The following HPS4 variants were observed in gnomAD, a reference collection of about 807,000 sequenced individuals.
HPS4 encodes the protein HPS4 biogenesis of lysosomal organelles complex 3 subunit 2, also known as BLOC-3 complex member HPS4.
A neutral mutation model predicts 70.3 loss-of-function variants in HPS4; 44 were observed. The ratio of observed to expected loss-of-function variants is 0.63; its 90% CI spans 0.49 to 0.80. HPS4 has a LOEUF of 0.80. Ranked by LOEUF, HPS4 falls within the 30% of genes least tolerant of loss-of-function variation. The probability of loss-of-function intolerance (pLI) is 0.00; values close to 1 mark genes in which losing one functional copy is unlikely to be tolerated. For synonymous variants in HPS4, 377 were observed against 355.9 expected, an observed-to-expected ratio of 1.06 and a Z score of -0.67; for missense variants, 873 against 884.4, an observed-to-expected ratio of 0.99 and a Z score of 0.16.
In HPS4 at chr22:26,457,838, G is replaced by A. The variant is rs1219259861; in HGVS notation, c.1955+21C>T. The A allele has an allele frequency of 2.5e-6, 4 of 1,586,124 alleles. No individual in the cohort carries two copies. In the African/African-American group the frequency reaches 5.4e-5, roughly 21 times the overall value. ...GCAGGACCGTGGAGAGTAGGTTGGG[G>A]AGCGACTCAGGGAGGCTCACCTGAC... On this transcript the variant is annotated intron_variant, in intron 13 of 13. Transcript: ENST00000398145.
rs983479129 is a variant in HPS4, at chr22:26,452,278, T to C, written c.*955A>G. On this transcript the variant is annotated 3_prime_UTR_variant, in exon 14 of 14. Coordinates refer to ENST00000398145, the MANE Select transcript of HPS4 (RefSeq NM_022081.6). ...GTTAAGATTTTGACAAATATTTTCA[T>C]CCTGCAGTCTGTCTCATACTGTCAA... The C allele has an allele frequency of 6.8e-6, 3 of 440,578 alleles. No individual in the cohort carries two copies. Among genetic ancestry groups the C allele is most frequent in the African/African-American group, 6.1e-5 (3 of 49,218 alleles). 27.3% of individuals were successfully genotyped at this position (440,578 alleles called of 1,614,324 possible). A position where few individuals can be genotyped will look rare whatever the true frequency, so the allele number is the denominator to read the frequency against.
chr22:26,448,170 C>T (rs990914557), downstream of HPS4, among the ~76,000 whole-genome samples: 3 of 152,226 alleles, frequency 2.0e-5, no homozygotes, highest in African/African-American at 4.8e-5. Flanking sequence ...CACACCCCTC[C>T]GGCCCCCAGG....
chr22:26,465,772 G>A lies in HPS4; in HGVS notation c.707-221C>T, dbSNP rs1264682255. 5.1e-6 allele frequency: 3 copies of A among 592,798 alleles called. No individual in the cohort carries two copies. The East Asian group carries it at 8.6e-5, about 17-fold the overall frequency. The allele number at this position is 592,798 out of a possible 1,614,324, so 36.7% of individuals were successfully genotyped here. A position where few individuals can be genotyped will look rare whatever the true frequency, so the allele number is the denominator to read the frequency against. ...AGGCAACATGACTCCCAGCTTTGGA[G>A]AAGGAAGATGTTCGGGAGAGAAAGG... On this transcript the variant is annotated intron_variant, in intron 9 of 13. Transcript: ENST00000398145.
chr22:26,465,626 G>T, intron 9 of HPS4, 75 bp from the exon 10 acceptor site: 1 of 1,196,186 alleles, frequency 8.4e-7, no homozygotes. Flanking sequence ...CTGCACTGGC[G>T]TGATGCATCC....
chr22:26,479,500 G>C, intron 2 of HPS4, 145 bp from the exon 3 acceptor site: 2 of 1,464,746 alleles, frequency 1.4e-6, no homozygotes, highest in South Asian at 2.9e-5. Context: ...AAGAACCCCA[G>C]TAGCTACAAA....
intron 12 of HPS4, 35 bp downstream of exon 12, chr22:26,458,410 T>C (rs1280585420): frequency 1.2e-6 from 2 of 1,613,586 alleles, no homozygotes; most frequent in Non-Finnish European, 1.7e-6. Context: ...GAATCTGGCA[T>C]CCCCGTCGCC....
Position 26,476,988 on chromosome 22 carries a change from C to G in HPS4, c.276+5G>C. The G allele has an allele frequency of 6.2e-7, 1 of 1,614,060 alleles. No individual in the cohort carries two copies. Among genetic ancestry groups the G allele is most frequent in the Non-Finnish European group, 8.5e-7 (1 of 1,179,924 alleles). ...CTTCAGCACTGATTCTGCCATTCAA[C>G]TTACCCAAAGGTAATCTCCATCAAC... On this transcript the variant is annotated splice_donor_5th_base_variant and intron_variant, in intron 4 of 13. Coordinates refer to ENST00000398145, the MANE Select transcript of HPS4 (RefSeq NM_022081.6).
In HPS4 at chr22:26,472,839, G is replaced by A. The variant is rs775086150; in HGVS notation, c.377C>T (p.Ala126Val). 2 of 1,612,918 alleles carry A rather than the reference G, an allele frequency of 1.2e-6. No individual in the cohort carries two copies. The highest frequency in any genetic ancestry group is 2.2e-5 in the South Asian group (2 of 91,068). Residue 126 changes from alanine to valine, a missense_variant, in exon 5 of 14, where the codon GCT becomes GTT. Physicochemically the swap from Ala to Val is moderately conservative, Grantham distance 64. Transcript: ENST00000398145. ...FNFYNGPVSL[A>V]YENCSQEELS... ...TCAACCCCATACTTGTACCTCATAA[G>A]CTAGGGAAACAGGTCCATTGTAAAA...
At chr22:26,466,473 C>A in intron 8 of HPS4, 1 of 643,742 alleles carries the variant, frequency 1.6e-6, no homozygotes. Flanking sequence ...AACCTGGGCC[C>A]ACACAGGCTG....
In HPS4 at chr22:26,466,499, AC is replaced by A; in HGVS notation, c.670-238del. 4 of 610,260 alleles carry A rather than the reference AC, an allele frequency of 6.6e-6. No homozygotes were observed. In the East Asian group the frequency reaches 1.1e-4, roughly 17 times the overall value. The allele number at this position is 610,260 out of a possible 1,614,324, so 37.8% of individuals were successfully genotyped here. On this transcript the variant is annotated intron_variant, in intron 8 of 13. Coordinates refer to ENST00000398145, the MANE Select transcript of HPS4 (RefSeq NM_022081.6). ...ACACAGGCTGCAAGGCAGCAGCTCC[AC>A]CCAAACTCACATCACACTCTACGTT... is the stretch of plus-strand genomic sequence containing the variant.
rs886057322 is a variant in HPS4, at chr22:26,483,669, C to T, written c.-479+5G>A. Reference sequence around the variant, plus strand: ...ATCCCCGCGCTCCGAGCGCCGCCCACCCACCGGAGTAGCCAGGCATCCCAG... The same window carrying T: ...ATCCCCGCGCTCCGAGCGCCGCCCATCCACCGGAGTAGCCAGGCATCCCAG... On this transcript the variant is annotated splice_donor_5th_base_variant and intron_variant, in intron 1 of 13. Transcript: ENST00000398145. The T allele has an allele frequency of 5.3e-5, 20 of 379,340 alleles. No homozygotes were observed. The Admixed American group carries it at 6.6e-4, about 12-fold the overall frequency. 23.5% of individuals were successfully genotyped at this position (379,340 alleles called of 1,614,324 possible). A position where few individuals can be genotyped will look rare whatever the true frequency, so the allele number is the denominator to read the frequency against.
chr22:26,454,626 C>T (rs1022193256), intron 13 of HPS4, among the ~76,000 whole-genome samples: 74 of 152,166 alleles, frequency 4.9e-4, no homozygotes, highest in African/African-American at 1.5e-3. Context: ...ACCATAAAAA[C>T]CCTAGAAGAA....
intron 10 of HPS4, 32 bp downstream of exon 10, chr22:26,465,423 G>A (rs1341052494): frequency 1.3e-6 from 2 of 1,485,872 alleles, no homozygotes; most frequent in African/African-American, 1.4e-5. Context: ...CTCAGGTGTG[G>A]TGCAAGGTTA....
chr22:26,473,970 C>T (rs1038517868), intron 4 of HPS4, among the ~76,000 whole-genome samples: 32 of 152,182 alleles, frequency 2.1e-4, no homozygotes, highest in African/African-American at 7.7e-4. Flanking sequence ...CAGATGTAAT[C>T]CAAGAGCTTA....
downstream of HPS4, chr22:26,443,368 TGGTTATTGTAAATGGAAACTTTTC>T (rs2084871652): frequency 1.7e-6 from 1 of 604,844 alleles, no homozygotes; most frequent in East Asian, 2.9e-5. Flanking sequence ...CTCTTTCCCT[TGGTTATTGTAAATGGAAACTTTTC>T]GGCTTGTATT....
intron 11 of HPS4, among the ~76,000 whole-genome samples, chr22:26,460,288 A>C (rs2086977636): frequency 6.6e-6 from 1 of 152,248 alleles, no homozygotes; most frequent in Admixed American, 6.5e-5. Context: ...TGTGCTCAGG[A>C]AAGACAATCA....
At chr22:26,453,553 A>G (rs906853794) in intron 13 of HPS4, 149 bp from the exon 14 acceptor site, 1 of 827,744 alleles carries the variant, frequency 1.2e-6, no homozygotes, top group African/African-American at 1.7e-5. Context: ...CTATTTCTTC[A>G]GCTGAGTTTC....
chr22:26,476,540 G>A (rs893710609), intron 4 of HPS4: 1 of 171,836 alleles, frequency 5.8e-6, no homozygotes, highest in Admixed American at 5.7e-5. Flanking sequence ...AGAGACGGGG[G>A]TCTTACTATG....
At position 26,464,566 on chromosome 22, in the gene HPS4, G is replaced by A. The variant is rs775195314; in HGVS notation, c.1064C>T (p.Ser355Phe). ...GAGAAAGACTAGTTCCTTCCCCAGG[G>A]AGGAGCTGAGGCCAAGAACCTCACC... The part of the protein sequence containing the change: ...ARGEVLGLSS[S>F]LGKELVFLQE... The change falls in exon 11 of 14, where the codon TCC (serine) becomes TTC (phenylalanine). Residue 355 changes from serine to phenylalanine, a missense_variant. Physicochemically the swap from Ser to Phe is radical, Grantham distance 155 (BLOSUM62 -2). Coordinates refer to ENST00000398145, the MANE Select transcript of HPS4 (RefSeq NM_022081.6). 2 of 1,614,086 alleles carry A rather than the reference G, an allele frequency of 1.2e-6. No homozygotes were observed. The highest frequency in any genetic ancestry group is 8.5e-7 in the Non-Finnish European group (1 of 1,180,042).
Sources: gnomAD v4.1 joint callset for allele counts (sites outside exome capture counted in the v4.1 genomes callset) on GRCh38, gnomAD v4.1.1 for gene constraint, MANE v1.5 for transcripts, NCBI Gene and HGNC (gene_info 2026-07-23, HGNC 2026-07-21) for gene names.